Variants in SCAPER observed in about 807,000 individuals in gnomAD.
SCAPER encodes the protein S-phase cyclin A associated protein in the ER, also known as S phase cyclin A-associated protein in the endoplasmic reticulum.
SCAPER carries 98 observed loss-of-function variants against 182.2 expected under a neutral mutation model. That is an observed-to-expected ratio of 0.54 (90% confidence interval 0.46 to 0.64). The LOEUF (loss-of-function observed/expected upper bound fraction) is 0.64, where lower values mean the gene tolerates loss of function less well. Ranked by LOEUF, SCAPER falls within the 30% of genes least tolerant of loss-of-function variation. The probability of loss-of-function intolerance (pLI) is 0.00; values close to 1 mark genes in which losing one functional copy is unlikely to be tolerated. For synonymous variants in SCAPER, 605 were observed against 564.6 expected, an observed-to-expected ratio of 1.07 and a Z score of -1.01; for missense variants, 1,432 against 1,690.0, an observed-to-expected ratio of 0.85 and a Z score of 2.68.
chr15:76,819,904 C>T (rs2067387343), intron 5 of SCAPER, among the ~76,000 whole-genome samples: 1 of 152,154 alleles, frequency 6.6e-6, no homozygotes, highest in African/African-American at 2.4e-5. Flanking sequence ...AAGAAAAAAA[C>T]AACCCCATCA....
At chr15:76,521,031 G>A (rs2042796534) in intron 23 of SCAPER, among the ~76,000 whole-genome samples, 1 of 152,162 alleles carries the variant, frequency 6.6e-6, no homozygotes, top group African/African-American at 2.4e-5. Flanking sequence ...ACTCCTGAGA[G>A]AAAAGTTACT....
At position 76,853,082 on chromosome 15, in the gene SCAPER, G is replaced by A. The variant is rs1178757589; in HGVS notation, c.195+4727C>T. 5.9e-5 allele frequency among the ~76,000 whole-genome samples: 9 copies of A among 152,082 alleles called. 1 individual carries two copies. Among genetic ancestry groups the A allele is most frequent in the Admixed American group, 3.3e-4 (5 of 15,268 alleles). On this transcript the variant is annotated intron_variant, in intron 4 of 31. Coordinates refer to ENST00000563290, the MANE Select transcript of SCAPER (RefSeq NM_020843.4). The stretch of plus-strand genomic sequence containing the variant: ...CATACAAACTGGAAAACCTAGAAGA[G>A]ATGGATAAATTCCTGGACACATACT...
intron 17 of SCAPER, among the ~76,000 whole-genome samples, chr15:76,713,181 G>C (rs1215342418): frequency 6.6e-6 from 1 of 152,008 alleles, no homozygotes; most frequent in Non-Finnish European, 1.5e-5. Context: ...ACTGTTGGTG[G>C]GACTGTAAAC....
intron 17 of SCAPER, among the ~76,000 whole-genome samples, chr15:76,728,209 T>C (rs2060706515): frequency 6.8e-6 from 1 of 147,424 alleles, no homozygotes; most frequent in Admixed American, 6.7e-5. Flanking sequence ...GACCAGACTA[T>C]TTCCATCAAA....
intron 27 of SCAPER, among the ~76,000 whole-genome samples, chr15:76,400,616 A>G (rs1444680321): frequency 6.6e-6 from 1 of 152,182 alleles, no homozygotes; most frequent in African/African-American, 2.4e-5. Flanking sequence ...AACAACAATA[A>G]GGGGTCATTT....
At chr15:76,784,009 AAC>A (rs1376895997) in intron 8 of SCAPER, among the ~76,000 whole-genome samples, 1 of 152,224 alleles carries the variant, frequency 6.6e-6, no homozygotes, top group African/African-American at 2.4e-5. Flanking sequence ...ACTCCTCTTC[AAC>A]ACAGTGTTGG....
intron 22 of SCAPER, among the ~76,000 whole-genome samples, chr15:76,608,999 C>T (rs532826177): frequency 9.2e-5 from 14 of 152,202 alleles, no homozygotes; most frequent in African/African-American, 1.4e-4. Context: ...CGCCCTGCTT[C>T]GGCTCGCGCA....
intron 6 of SCAPER, among the ~76,000 whole-genome samples, chr15:76,802,265 G>T (rs925413682): frequency 6.6e-6 from 1 of 152,084 alleles, no homozygotes; most frequent in African/African-American, 2.4e-5. Flanking sequence ...GATTAGACCC[G>T]GTATAGGCTC....
At chr15:76,676,049 T>C (rs1033447221) in intron 20 of SCAPER, among the ~76,000 whole-genome samples, 2 of 152,206 alleles carry the variant, frequency 1.3e-5, no homozygotes, top group African/African-American at 4.8e-5. Flanking sequence ...GGTCTCGAAC[T>C]CCTGACCTCA....
At chr15:76,593,802 C>T (rs867829581) in intron 22 of SCAPER, among the ~76,000 whole-genome samples, 2 of 121,406 alleles carry the variant, frequency 1.6e-5, no homozygotes, top group African/African-American at 5.0e-5. Flanking sequence ...GACATCCACA[C>T]AGAAACCCCA....
At chr15:76,786,690 GACAT>G (rs899845542) in intron 8 of SCAPER, among the ~76,000 whole-genome samples, 20 of 152,114 alleles carry the variant, frequency 1.3e-4, no homozygotes, top group African/African-American at 4.8e-4. Context: ...TAGGAAAAAA[GACAT>G]ACAGACAGGA....
intron 2 of SCAPER, among the ~76,000 whole-genome samples, chr15:76,883,179 A>C (rs1368915612): frequency 2.0e-5 from 3 of 152,208 alleles, no homozygotes; most frequent in Admixed American, 6.5e-5. Flanking sequence ...TGCTGGAAAA[A>C]ACAGAGCAAG....
At chr15:76,757,465 C>T (rs1032356160) in intron 14 of SCAPER, among the ~76,000 whole-genome samples, 1 of 151,930 alleles carries the variant, frequency 6.6e-6, no homozygotes, top group Non-Finnish European at 1.5e-5. Context: ...TACACACACA[C>T]ACACACACAC....
At chr15:76,684,609 T>C (rs565513520) in intron 20 of SCAPER, among the ~76,000 whole-genome samples, 162 of 151,896 alleles carry the variant, frequency 1.1e-3, no homozygotes, top group African/African-American at 3.8e-3. Context: ...TAACTACAAA[T>C]GAGGTAGAGA....
intron 6 of SCAPER, among the ~76,000 whole-genome samples, chr15:76,804,191 T>C (rs1159940329): frequency 6.6e-6 from 1 of 152,220 alleles, no homozygotes; most frequent in East Asian, 1.9e-4. Flanking sequence ...AAATCTTCCC[T>C]GATCTATCCT....
At chr15:76,871,572 C>CT (rs1178328861) in intron 2 of SCAPER, among the ~76,000 whole-genome samples, 11,967 of 123,152 alleles carry the variant, frequency 0.097, 757 homozygotes, top group African/African-American at 0.14. Flanking sequence ...TTACAATTTG[C>CT]TTTTTTTTTT....
At chr15:76,681,707 T>C (rs1000152495) in intron 20 of SCAPER, among the ~76,000 whole-genome samples, 1 of 152,044 alleles carries the variant, frequency 6.6e-6, no homozygotes, top group Admixed American at 6.6e-5. Context: ...TGGCCTCTTC[T>C]CTCCACAGAT....
rs71143333 is a variant in SCAPER at position 76,488,714 on chromosome 15, C to CT, written c.2954+16144dup. On this transcript the variant is annotated intron_variant, in intron 24 of 31. Transcript: ENST00000563290. ...TTGCATCCTGATAACAGTACACTGC[C>CT]TTTTTTTTTTTTTTTTTTTTTTTTT... Among the ~76,000 whole-genome samples the CT allele has an allele frequency of 1.5e-3, 141 of 93,122 alleles. 20 individuals carry two copies. Among genetic ancestry groups the CT allele is most frequent in the African/African-American group, 5.2e-3 (108 of 20,928 alleles). The allele number at this position is 93,122 out of a possible 152,430, so 61.1% of individuals were successfully genotyped here.
At chr15:76,360,227 C>T (rs1041849692) in intron 29 of SCAPER, among the ~76,000 whole-genome samples, 1 of 152,130 alleles carries the variant, frequency 6.6e-6, no homozygotes, top group Non-Finnish European at 1.5e-5. Flanking sequence ...AATGCTTTGC[C>T]AAAACCTCAG....
Sources: allele counts gnomAD v4.1 joint callset (sites outside exome capture counted in the v4.1 genomes callset), GRCh38; gene constraint gnomAD v4.1.1; transcripts MANE v1.5; gene names NCBI Gene and HGNC (gene_info 2026-07-23, HGNC 2026-07-21).